Variants in IMPG1 observed in about 807,000 individuals in gnomAD.
IMPG1 encodes the protein interphotoreceptor matrix proteoglycan 1, also known as interphotoreceptor matrix proteoglycan of 150 kDa.
IMPG1 carries 85 observed loss-of-function variants against 92.0 expected under a neutral mutation model. That is an observed-to-expected ratio of 0.92 (90% CI 0.78 to 1.11). The LOEUF (loss-of-function observed/expected upper bound fraction) is 1.11, where lower values mean the gene tolerates loss of function less well. Ranked by LOEUF, IMPG1 falls within the 50% of genes least tolerant of loss-of-function variation. IMPG1 has a pLI of 0.00. For synonymous variants in IMPG1, 367 were observed against 334.1 expected (o/e 1.10, Z -1.08); for missense variants, 1,022 against 956.0 (o/e 1.07, Z -0.91).
In IMPG1 at chr6:75,924,647, A is replaced by T. The variant is rs1468933234; in HGVS notation, c.2244-941T>A. 5.3e-3 allele frequency among the ~76,000 whole-genome samples: 18 copies of T among 3,404 alleles called. 3 individuals are homozygous for T. Among genetic ancestry groups the T allele is most frequent in the African/African-American group, 5.7e-3 (13 of 2,282 alleles). 2.2% of individuals were successfully genotyped at this position (3,404 alleles called of 152,430 possible). A position where few individuals can be genotyped will look rare whatever the true frequency, so the allele number is the denominator to read the frequency against. On this transcript the variant is annotated intron_variant, in intron 15 of 16. Coordinates refer to ENST00000369950, the MANE Select transcript of IMPG1 (RefSeq NM_001563.4). The stretch of plus-strand genomic sequence containing the variant: ...AATAAATTATATATTATATATAATT[A>T]ATTATATATAATATATAATAAATTA...
chr6:75,993,389 C>T (rs1413944870), intron 12 of IMPG1, among the ~76,000 whole-genome samples: 1 of 152,012 alleles, frequency 6.6e-6, no homozygotes, highest in East Asian at 1.9e-4. Flanking sequence ...ACCAGAAAAA[C>T]CAGTGTCTAG....
chr6:75,934,873 TAAC>T, intron 14 of IMPG1: 1 of 459,052 alleles, frequency 2.2e-6, no homozygotes, highest in Non-Finnish European at 4.6e-6. Context: ...CTTATCTCCC[TAAC>T]ATTTATCATA....
intron 1 of IMPG1, among the ~76,000 whole-genome samples, chr6:76,043,082 T>C (rs551057925): frequency 1.2e-4 from 19 of 152,020 alleles, no homozygotes; most frequent in Non-Finnish European, 1.9e-4. Flanking sequence ...TAGTTTTTGA[T>C]GTTGGGCTTG....
At chr6:76,000,012 A>C (rs1417209839) in intron 12 of IMPG1, among the ~76,000 whole-genome samples, 1 of 152,238 alleles carries the variant, frequency 6.6e-6, no homozygotes, top group Non-Finnish European at 1.5e-5. Context: ...AGGAAGGTTC[A>C]TGTGGACAGG....
intron 12 of IMPG1, among the ~76,000 whole-genome samples, chr6:75,996,454 G>T (rs946765467): frequency 9.2e-5 from 14 of 152,094 alleles, no homozygotes; most frequent in African/African-American, 2.9e-4. Flanking sequence ...TTTTATCCCC[G>T]CATAAGAGGC....
At chr6:76,064,042 G>A (rs1199463830) in intron 1 of IMPG1, among the ~76,000 whole-genome samples, 2 of 152,268 alleles carry the variant, frequency 1.3e-5, no homozygotes, top group African/African-American at 2.4e-5. Flanking sequence ...TGGAGAGGGG[G>A]ACTACTCATC....
chr6:76,012,964 C>T (rs1282834742), intron 7 of IMPG1, among the ~76,000 whole-genome samples: 2 of 151,960 alleles, frequency 1.3e-5, no homozygotes, highest in Non-Finnish European at 2.9e-5. Flanking sequence ...CAGCCACCGA[C>T]TCTGGTTGGT....
intron 7 of IMPG1, 97 bp downstream of exon 7, chr6:76,018,621 A>G: frequency 9.2e-7 from 1 of 1,083,066 alleles, no homozygotes; most frequent in Non-Finnish European, 1.3e-6. Context: ...GAATGCCAGG[A>G]GAAGCTGGAA....
chr6:76,045,788 G>A (rs1582127674), intron 1 of IMPG1, among the ~76,000 whole-genome samples: 2 of 152,280 alleles, frequency 1.3e-5, no homozygotes, highest in East Asian at 3.9e-4. Flanking sequence ...TGCATAAATT[G>A]TAATGTTGTT....
chr6:75,946,364 C>T (rs878868248), intron 14 of IMPG1, among the ~76,000 whole-genome samples: 1 of 152,200 alleles, frequency 6.6e-6, no homozygotes, highest in African/African-American at 2.4e-5. Context: ...ATGGCCTCTT[C>T]CTTCTGCTTT....
intron 1 of IMPG1, among the ~76,000 whole-genome samples, chr6:76,060,966 T>C (rs965150653): frequency 1.3e-5 from 2 of 152,100 alleles, no homozygotes; most frequent in Non-Finnish European, 2.9e-5. Flanking sequence ...AACAATAAAA[T>C]ATATGAAAAT....
chr6:75,929,211 T>C (rs1781619376), intron 15 of IMPG1, among the ~76,000 whole-genome samples: 1 of 152,170 alleles, frequency 6.6e-6, no homozygotes, highest in South Asian at 2.1e-4. Flanking sequence ...AATTTGTACA[T>C]CCACCAGCAA....
rs569094877 is a variant in IMPG1 at position 75,950,622 on chromosome 6, G to A, written c.1764C>T (p.Asn588=). ...CCAGAGAGCTCTTGTTGAACAGGTC[G>A]TTGGAGAAGGCCATGTTAGCAACAC... ...SLRVANMAFS[N]DLFNKSSLEY... The change falls in exon 13 of 17, where the codon AAC becomes AAT. Residue 588 remains asparagine, a synonymous_variant. Transcript: ENST00000369950. 1.9e-5 allele frequency: 30 copies of A among 1,613,824 alleles called. 1 individual carries two copies. The highest frequency in any genetic ancestry group is 1.2e-4 in the African/African-American group (9 of 75,040).
rs1379826149 is a variant in IMPG1, at chr6:75,931,034, C to T, written c.2162G>A (p.Ser721Asn). Reference protein sequence around the residue: ...RCKPGYDSQGSLDGLEPGLCG... With the variant: ...RCKPGYDSQGNLDGLEPGLCG... ...GAGGCCTGGTTCCAGACCGTCCAGG[C>T]TCCCCTGGCTGTCATATCCTGGTTT... Residue 721 changes from serine (S) to asparagine (N), a missense_variant, in exon 15 of 17, where the codon AGC becomes AAC. This residue lies in a region of IMPG1 where 332 missense variants were observed against 346.2 expected (regional missense o/e 0.96). Coordinates refer to ENST00000369950, the MANE Select transcript of IMPG1 (RefSeq NM_001563.4). 1 of 1,614,214 alleles carries T rather than the reference C, an allele frequency of 6.2e-7. No homozygotes were observed.
At chr6:75,952,934 T>G (rs1263723554) in intron 12 of IMPG1, among the ~76,000 whole-genome samples, 1 of 152,202 alleles carries the variant, frequency 6.6e-6, no homozygotes, top group Non-Finnish European at 1.5e-5. Flanking sequence ...TTCTATTGTT[T>G]AAGACATCCA....
intron 15 of IMPG1, among the ~76,000 whole-genome samples, chr6:75,928,348 C>T (rs1384959783): frequency 6.6e-5 from 10 of 152,030 alleles, no homozygotes; most frequent in African/African-American, 1.7e-4. Flanking sequence ...TACAGGCATG[C>T]GCCATCATGC....
intron 12 of IMPG1, among the ~76,000 whole-genome samples, chr6:75,987,927 G>A (rs1024950465): frequency 6.6e-6 from 1 of 152,162 alleles, no homozygotes; most frequent in Non-Finnish European, 1.5e-5. Context: ...GATTACAGGC[G>A]TGAGCCACCG....
At chr6:76,024,263 A>G (rs1783484251) in intron 5 of IMPG1, among the ~76,000 whole-genome samples, 1 of 152,236 alleles carries the variant, frequency 6.6e-6, no homozygotes, top group Admixed American at 6.5e-5. Context: ...ACAAATATCT[A>G]TTTTCTCAAT....
At chr6:75,977,217 G>A (rs893436025) in intron 12 of IMPG1, among the ~76,000 whole-genome samples, 2 of 152,154 alleles carry the variant, frequency 1.3e-5, no homozygotes, top group African/African-American at 2.4e-5. Context: ...TAAATGAGAA[G>A]ACTATAAATT....
Sources: gnomAD v4.1 joint callset for allele counts (sites outside exome capture counted in the v4.1 genomes callset) on GRCh38, gnomAD v4.1.1 for gene constraint, gnomAD v4.1.1 regional missense constraint, MANE v1.5 for transcripts, NCBI Gene and HGNC (gene_info 2026-07-23, HGNC 2026-07-21) for gene names.